The following VPS13B variants were observed in gnomAD, a reference collection of about 807,000 sequenced individuals.
VPS13B encodes the protein vacuolar protein sorting 13 homolog B, also known as intermembrane lipid transfer protein VPS13B.
In VPS13B, 285 loss-of-function variants were observed where a neutral mutation model predicts 426.4. That is an observed-to-expected ratio of 0.67 (90% CI 0.61 to 0.74). The LOEUF is 0.74. Ranked by LOEUF, VPS13B falls within the 30% of genes least tolerant of loss-of-function variation. VPS13B has a pLI of 0.00. For synonymous variants in VPS13B, 1,676 were observed against 1,676.4 expected (o/e 1.00, Z 0.01); for missense variants, 4,537 against 4,782.6 (o/e 0.95, Z 1.51).
intron 17 of VPS13B, among the ~76,000 whole-genome samples, chr8:99,199,431 A>G (rs1296886618): frequency 6.6e-6 from 1 of 151,870 alleles, no homozygotes; most frequent in Admixed American, 6.6e-5. Context: ...TCGGCCTCCC[A>G]AAGTGCTGGG....
At chr8:99,475,141 G>A (rs369347451) in intron 24 of VPS13B, among the ~76,000 whole-genome samples, 2 of 152,166 alleles carry the variant, frequency 1.3e-5, no homozygotes, top group African/African-American at 4.8e-5. Context: ...GTTAAAATAT[G>A]CAGATTACTA....
chr8:99,493,032 A>G (rs952827121), intron 25 of VPS13B, among the ~76,000 whole-genome samples: 3 of 152,186 alleles, frequency 2.0e-5, no homozygotes, highest in Non-Finnish European at 2.9e-5. Flanking sequence ...TACGTAATTT[A>G]TCTCCTTTAT....
At chr8:99,545,433 A>G (rs951080505) in intron 30 of VPS13B, among the ~76,000 whole-genome samples, 30 of 152,236 alleles carry the variant, frequency 2.0e-4, no homozygotes, top group Non-Finnish European at 2.9e-4. Context: ...GCCGTTAGCC[A>G]TGTAACTACT....
At chr8:99,507,721 T>C (rs1821574350) in intron 28 of VPS13B, 2 of 1,613,506 alleles carry the variant, frequency 1.2e-6, no homozygotes, top group South Asian at 2.2e-5. Flanking sequence ...TTATGGCTTT[T>C]ATTGCTTTTT....
At chr8:99,700,766 G>C (rs764373102) in intron 36 of VPS13B, among the ~76,000 whole-genome samples, 1 of 152,168 alleles carries the variant, frequency 6.6e-6, no homozygotes, top group Non-Finnish European at 1.5e-5. Flanking sequence ...GAGGGGAAGA[G>C]GAAAGGCAAG....
intron 19 of VPS13B, among the ~76,000 whole-genome samples, chr8:99,338,530 G>T (rs1162949829): frequency 1.3e-5 from 2 of 152,028 alleles, no homozygotes; most frequent in African/African-American, 2.4e-5. Flanking sequence ...AGAATTGACA[G>T]TTTTGACGGT....
intron 2 of VPS13B, among the ~76,000 whole-genome samples, chr8:99,028,660 A>G (rs1162429137): frequency 2.0e-4 from 15 of 76,672 alleles, no homozygotes; most frequent in Admixed American, 2.6e-4. Context: ...GTGGCTGGCC[A>G]GGTGGGGGGC....
At chr8:99,659,185 C>T (rs1006642177) in intron 34 of VPS13B, among the ~76,000 whole-genome samples, 1 of 151,954 alleles carries the variant, frequency 6.6e-6, no homozygotes, top group Non-Finnish European at 1.5e-5. Context: ...AGATTTGTTT[C>T]TTTAATTATT....
chr8:99,359,412 T>C (rs894339897), intron 19 of VPS13B, among the ~76,000 whole-genome samples: 4 of 152,214 alleles, frequency 2.6e-5, no homozygotes, highest in Non-Finnish European at 4.4e-5. Flanking sequence ...GTGGGGTTTA[T>C]GTAATTTCTA....
At chr8:99,044,620 G>A (rs1442190710) in intron 3 of VPS13B, among the ~76,000 whole-genome samples, 1 of 151,860 alleles carries the variant, frequency 6.6e-6, no homozygotes, top group African/African-American at 2.4e-5. Flanking sequence ...ACGCTGTACC[G>A]AATTTGTGTC....
In VPS13B at chr8:99,876,515, A is replaced by AACAT. The variant is rs1403725606; in HGVS notation, c.*855_*858dup. ...TGAGTTTCTCTAGTTCCATAAACAA[A>AACAT]ACATACATAGTGGGAACTCCCTGGT... On this transcript the variant is annotated 3_prime_UTR_variant, in exon 62 of 62. Transcript: ENST00000357162. 2.0e-5 allele frequency: 3 copies of AACAT among 152,346 alleles called. No individual in the cohort carries two copies. Among genetic ancestry groups the AACAT allele is most frequent in the Admixed American group, 1.3e-4 (2 of 15,302 alleles). The allele number at this position is 152,346 out of a possible 1,614,324, so 9.4% of individuals were successfully genotyped here. A position where few individuals can be genotyped will look rare whatever the true frequency, so the allele number is the denominator to read the frequency against.
At chr8:99,370,372 G>A (rs1159769631) in intron 19 of VPS13B, among the ~76,000 whole-genome samples, 1 of 152,126 alleles carries the variant, frequency 6.6e-6, no homozygotes, top group Non-Finnish European at 1.5e-5. Context: ...AAGGGGCAGC[G>A]AAGAATTTGA....
chr8:99,042,613 T>A (rs1365664713), intron 3 of VPS13B, among the ~76,000 whole-genome samples: 1 of 152,238 alleles, frequency 6.6e-6, no homozygotes, highest in Non-Finnish European at 1.5e-5. Flanking sequence ...ATTCCTTTCT[T>A]AAACATTTTA....
intron 14 of VPS13B, among the ~76,000 whole-genome samples, chr8:99,154,704 G>A (rs1811264071): frequency 6.6e-6 from 1 of 152,092 alleles, no homozygotes; most frequent in African/African-American, 2.4e-5. Flanking sequence ...GACCTTATAA[G>A]GGCCACACCC....
intron 8 of VPS13B, among the ~76,000 whole-genome samples, chr8:99,131,200 C>T (rs1266089881): frequency 6.6e-6 from 1 of 152,110 alleles, no homozygotes; most frequent in Non-Finnish European, 1.5e-5. Context: ...ATGTTCTTTA[C>T]CCAGTTTCCC....
Position 99,839,120 on chromosome 8 carries a change from T to C in VPS13B, c.9942+3382T>C, listed in dbSNP as rs72676262. Reference sequence around the variant, plus strand: ...CACTGAACTGCAAAGAATGAGTAGTTTGAACCCCAGAAAGTGAATTAAAAT... The same window carrying C: ...CACTGAACTGCAAAGAATGAGTAGTCTGAACCCCAGAAAGTGAATTAAAAT... On this transcript the variant is annotated intron_variant, in intron 54 of 61. Transcript: ENST00000357162. 8.1e-3 allele frequency among the ~76,000 whole-genome samples: 1,235 copies of C among 152,336 alleles called. 11 individuals carry two copies. The highest frequency in any genetic ancestry group is 0.034 in the South Asian group (164 of 4,820).
intron 33 of VPS13B, among the ~76,000 whole-genome samples, chr8:99,578,128 C>T (rs1401996458): frequency 1.3e-5 from 2 of 152,110 alleles, no homozygotes; most frequent in African/African-American, 2.4e-5. Flanking sequence ...ATACAGTGTT[C>T]ATTGGAAGCC....
At chr8:99,405,617 C>T (rs1229654231) in intron 21 of VPS13B, among the ~76,000 whole-genome samples, 1 of 152,122 alleles carries the variant, frequency 6.6e-6, no homozygotes, top group Non-Finnish European at 1.5e-5. Flanking sequence ...TGCTTAATCG[C>T]AGTAGTTGCT....
chr8:99,391,539 C>A lies in VPS13B; in HGVS notation c.2935-18C>A, dbSNP rs1299905088. The A allele has an allele frequency of 1.9e-6, 3 of 1,614,044 alleles. No individual in the cohort carries two copies. Among genetic ancestry groups the A allele is most frequent in the Non-Finnish European group, 2.5e-6 (3 of 1,179,966 alleles). ...AAAAACTAAAAACTAAAAAGGTTTT[C>A]ATTTTGTCTCTTTCCAGCAGCCTGT... On this transcript the variant is annotated intron_variant, in intron 20 of 61. Transcript: ENST00000357162.
Sources: allele counts gnomAD v4.1 joint callset (sites outside exome capture counted in the v4.1 genomes callset), GRCh38; gene constraint gnomAD v4.1.1; transcripts MANE v1.5; gene names NCBI Gene and HGNC (gene_info 2026-07-23, HGNC 2026-07-21).